The following COL19A1 variants were observed in gnomAD, a reference collection of about 807,000 sequenced individuals.
COL19A1 encodes the protein collagen alpha-1(XIX) chain.
In COL19A1, 159 loss-of-function variants were observed where a neutral mutation model predicts 190.2. That is an observed-to-expected ratio of 0.84 (90% CI 0.73 to 0.95). The LOEUF (loss-of-function observed/expected upper bound fraction) is 0.95. Among genes scored for constraint, COL19A1 ranks in the 40% least tolerant of loss-of-function variants. The probability of loss-of-function intolerance (pLI) is 0.00; values close to 1 mark genes in which losing one functional copy is unlikely to be tolerated. For synonymous variants in COL19A1, 509 were observed against 458.9 expected, an observed-to-expected ratio of 1.11 and a Z score of -1.39; for missense variants, 1,418 against 1,431.9, an observed-to-expected ratio of 0.99 and a Z score of 0.16.
chr6:70,105,332 A>AT (rs1445746216), intron 16 of COL19A1, among the ~76,000 whole-genome samples: 1 of 151,892 alleles, frequency 6.6e-6, no homozygotes, highest in African/African-American at 2.4e-5. Context: ...CAATTTTTGT[A>AT]TTTTTAGTAG....
intron 9 of COL19A1, among the ~76,000 whole-genome samples, chr6:69,945,686 T>G (rs1773752609): frequency 6.6e-6 from 1 of 151,990 alleles, no homozygotes; most frequent in Non-Finnish European, 1.5e-5. Flanking sequence ...TTGGATCAGT[T>G]TTACCCAATT....
chr6:70,151,248 G>T, intron 30 of COL19A1, 149 bp from the exon 31 acceptor site: 1 of 660,948 alleles, frequency 1.5e-6, no homozygotes, highest in Non-Finnish European at 2.5e-6. Context: ...TTCTTTATAC[G>T]AAACATAATG....
chr6:70,206,704 C>T (rs1767883583), intron 49 of COL19A1, among the ~76,000 whole-genome samples, 197 bp from the exon 50 acceptor site: 1 of 151,326 alleles, frequency 6.6e-6, no homozygotes, highest in African/African-American at 2.4e-5. Flanking sequence ...TTTTAAGATC[C>T]TCATTGCCCT....
chr6:70,025,489 A>G (rs1033590781), intron 12 of COL19A1, among the ~76,000 whole-genome samples: 15 of 152,228 alleles, frequency 9.9e-5, no homozygotes, highest in African/African-American at 3.4e-4. Flanking sequence ...GAAAAACAAA[A>G]CAGGAAGAGA....
rs77725389 is a variant in COL19A1 at position 69,874,401 on chromosome 6, C to A, written c.-32-5135C>A. Among the ~76,000 whole-genome samples the A allele has an allele frequency of 7.0e-4, 107 of 152,332 alleles. 1 individual carries two copies. In the East Asian group the frequency reaches 0.02, roughly 28 times the overall value. ...AATGTTCCTAGCTGAATGGGCTACA[C>A]TTCCATTTTATCAGGATCTGAATAA... On this transcript the variant is annotated intron_variant, in intron 1 of 50. Coordinates refer to ENST00000620364, the MANE Select transcript of COL19A1 (RefSeq NM_001858.6).
Position 70,165,973 on chromosome 6 carries a change from A to G in COL19A1, c.2433A>G (p.Pro811=), listed in dbSNP as rs1193481227. 3 of 1,613,930 alleles carry G rather than the reference A, an allele frequency of 1.9e-6. No homozygotes were observed. The South Asian group carries it at 3.3e-5, about 18-fold the overall frequency. Residue 811 remains proline, a synonymous_variant, in exon 37 of 51, where the codon CCA becomes CCG. Transcript: ENST00000620364. ...ACGGACCCCCTGGGAAACCCGGACCACCTGGACCACCTGTGAGTTGTTCTA... is the reference window on the plus strand; with the variant it reads ...ACGGACCCCCTGGGAAACCCGGACCGCCTGGACCACCTGTGAGTTGTTCTA... The part of the protein sequence containing the change: ...GSDGPPGKPG[P]PGPPGIPFNE...
At chr6:69,972,338 TTTTG>T (rs1267431890) in intron 11 of COL19A1, among the ~76,000 whole-genome samples, 4 of 152,306 alleles carry the variant, frequency 2.6e-5, no homozygotes, top group South Asian at 2.1e-4. Context: ...GGCATGAGGA[TTTTG>T]TTTGTCTGTT....
At chr6:70,085,771 A>G (rs1466380780) in intron 15 of COL19A1, among the ~76,000 whole-genome samples, 1 of 152,068 alleles carries the variant, frequency 6.6e-6, no homozygotes, top group African/African-American at 2.4e-5. Context: ...GCTCTAAGAA[A>G]CTGGTACCTG....
In COL19A1 at chr6:70,125,745, A is replaced by G. The variant is rs145275231; in HGVS notation, c.1341+3803A>G. Among the ~76,000 whole-genome samples the G allele has an allele frequency of 2.5e-4, 38 of 152,298 alleles. 1 individual carries two copies. The East Asian group carries it at 6.6e-3, about 26-fold the overall frequency. ...AAGGTAGATTTCTCTCTCTATCACA[A>G]AAATAATGTGCAAAACAGCTGCTCC... On this transcript the variant is annotated intron_variant, in intron 17 of 50. Coordinates refer to ENST00000620364, the MANE Select transcript of COL19A1 (RefSeq NM_001858.6).
chr6:70,075,694 TTG>T (rs199603758), intron 15 of COL19A1, among the ~76,000 whole-genome samples: 2,314 of 152,258 alleles, frequency 0.015, 36 homozygotes, highest in Middle Eastern at 0.065. Context: ...CTGTGTCTCC[TTG>T]TGGTAAATTT....
intron 12 of COL19A1, among the ~76,000 whole-genome samples, chr6:70,031,312 T>C (rs999172693): frequency 5.3e-5 from 8 of 152,096 alleles, no homozygotes; most frequent in African/African-American, 1.9e-4. Flanking sequence ...AGTGATCAAA[T>C]CAGGATGTTT....
chr6:70,190,900 T>A (rs12663063), intron 48 of COL19A1, among the ~76,000 whole-genome samples: 34,133 of 152,206 alleles, frequency 0.22, 4,001 homozygotes, highest in Non-Finnish European at 0.26. Flanking sequence ...TTTTGCTTTT[T>A]GGTAGGGAGC....
intron 11 of COL19A1, among the ~76,000 whole-genome samples, chr6:70,008,598 G>A (rs573827968): frequency 1.3e-5 from 2 of 151,748 alleles, no homozygotes; most frequent in Non-Finnish European, 2.9e-5. Context: ...TCTATCAGAT[G>A]TCTTCATCTT....
intron 11 of COL19A1, among the ~76,000 whole-genome samples, chr6:70,019,871 T>C (rs1395363551): frequency 6.6e-6 from 1 of 152,126 alleles, no homozygotes; most frequent in Non-Finnish European, 1.5e-5. Context: ...TTTTTGCTTA[T>C]TTTCTTCTCA....
At chr6:70,097,517 CA>C (rs200659215) in intron 15 of COL19A1, among the ~76,000 whole-genome samples, 2,266 of 139,492 alleles carry the variant, frequency 0.016, 56 homozygotes, top group African/African-American at 0.056. Context: ...GATCCTGTCT[CA>C]AAAAAAAAAA....
intron 12 of COL19A1, among the ~76,000 whole-genome samples, chr6:70,032,112 A>G (rs1185023361): frequency 6.6e-6 from 1 of 152,120 alleles, no homozygotes; most frequent in African/African-American, 2.4e-5. Context: ...CTAAGAGGAG[A>G]CATCAAGGGT....
At chr6:70,205,498 T>C (rs1767799254) in intron 49 of COL19A1, among the ~76,000 whole-genome samples, 1 of 152,256 alleles carries the variant, frequency 6.6e-6, no homozygotes, top group Non-Finnish European at 1.5e-5. Context: ...CCTACTGAGA[T>C]GCTCTCCTAC....
At chr6:70,113,653 G>A (rs189365435) in intron 16 of COL19A1, among the ~76,000 whole-genome samples, 54 of 152,122 alleles carry the variant, frequency 3.5e-4, no homozygotes, top group African/African-American at 1.2e-3. Flanking sequence ...GATGCTGGTT[G>A]AGATTGTTAA....
intron 9 of COL19A1, among the ~76,000 whole-genome samples, chr6:69,949,939 G>A (rs1487068761): frequency 6.6e-6 from 1 of 151,774 alleles, no homozygotes; most frequent in Non-Finnish European, 1.5e-5. Flanking sequence ...TATTCTCAAA[G>A]TGAAGATTTT....
Sources: allele counts gnomAD v4.1 joint callset (sites outside exome capture counted in the v4.1 genomes callset), GRCh38; gene constraint gnomAD v4.1.1; transcripts MANE v1.5; gene names NCBI Gene and HGNC (gene_info 2026-07-23, HGNC 2026-07-21).